The following FRYL variants were observed in gnomAD, a reference collection of about 807,000 sequenced individuals.
FRYL encodes FRY like transcription coactivator.
FRYL carries 150 observed loss-of-function variants against 351.2 expected under a neutral mutation model. The observed-to-expected ratio is 0.43, with a 90% CI of 0.37 to 0.49. The LOEUF (loss-of-function observed/expected upper bound fraction) is 0.49. Ranked by LOEUF, FRYL falls within the 20% of genes least tolerant of loss-of-function variation. The probability of loss-of-function intolerance (pLI) is 0.00; values close to 1 mark genes in which losing one functional copy is unlikely to be tolerated. For missense variants in FRYL, 3,036 were observed against 3,619.3 expected, an observed-to-expected ratio of 0.84 and a Z score of 4.13; for synonymous variants, 1,153 against 1,257.1, an observed-to-expected ratio of 0.92 and a Z score of 1.75.
At chr4:48,505,959 G>C in intron 59 of FRYL, 1 of 187,026 alleles carries the variant, frequency 5.3e-6, no homozygotes, top group Admixed American at 5.9e-5. Flanking sequence ...ACGTAAGACG[G>C]GGAAAGGAAA....
At chr4:48,683,024 C>T (rs1255656838) in intron 3 of FRYL, among the ~76,000 whole-genome samples, 2 of 152,076 alleles carry the variant, frequency 1.3e-5, no homozygotes, top group African/African-American at 4.8e-5. Context: ...AACCCAAATG[C>T]CTATCAATGA....
chr4:48,594,151 C>A, intron 15 of FRYL, 135 bp from the exon 16 acceptor site: 2 of 467,186 alleles, frequency 4.3e-6, no homozygotes, highest in Non-Finnish European at 7.6e-6. Context: ...AAGAAAAATA[C>A]ATATGAATTA....
At chr4:48,674,981 G>A (rs1763342582) in intron 3 of FRYL, among the ~76,000 whole-genome samples, 2 of 152,098 alleles carry the variant, frequency 1.3e-5, no homozygotes, top group African/African-American at 4.8e-5. Flanking sequence ...TGCTGATTAC[G>A]CCATTGTCTT....
rs1487645210 is a variant in FRYL, at chr4:48,623,183, T to C, written c.121-4A>G. 1.7e-5 allele frequency: 25 copies of C among 1,440,868 alleles called. No individual in the cohort carries two copies. The highest frequency in any genetic ancestry group is 4.4e-5 in the African/African-American group (3 of 68,226). The allele number at this position is 1,440,868 out of a possible 1,614,324, so 89.3% of individuals were successfully genotyped here. On this transcript the variant is annotated splice_polypyrimidine_tract_variant and splice_region_variant and intron_variant, in intron 4 of 63. Transcript: ENST00000358350. Reference sequence around the variant, plus strand: ...GAGATCTGGACAATAGCTTCTCCTATGATTAAAAAAAACAAACATTAAAAA... The same window carrying C: ...GAGATCTGGACAATAGCTTCTCCTACGATTAAAAAAAACAAACATTAAAAA...
chr4:48,620,832 C>T, intron 5 of FRYL, 54 bp from the exon 6 acceptor site: 1 of 1,445,802 alleles, frequency 6.9e-7, no homozygotes, highest in Non-Finnish European at 9.6e-7. Flanking sequence ...ATGTACCACA[C>T]TCTTAAGTTC....
chr4:48,678,913 C>T lies in FRYL; in HGVS notation c.-81+5760G>A, dbSNP rs369717576. On this transcript the variant is annotated intron_variant, in intron 3 of 63. Coordinates refer to ENST00000358350, the MANE Select transcript of FRYL (RefSeq NM_015030.2). ...AAAATCTAATTATTATAAATTGTAA[C>T]ATGTGTGCTGTATTTAAGAGTATAA... Among the ~76,000 whole-genome samples the T allele has an allele frequency of 1.4e-3, 217 of 151,930 alleles. 1 individual carries two copies. Among genetic ancestry groups the T allele is most frequent in the African/African-American group, 4.7e-3 (193 of 41,422 alleles).
At chr4:48,522,272 C>A (rs182385985) in intron 54 of FRYL, among the ~76,000 whole-genome samples, 1 of 152,220 alleles carries the variant, frequency 6.6e-6, no homozygotes, top group East Asian at 1.9e-4. Flanking sequence ...TGGTGTGAGA[C>A]CCTGTGCCTA....
chr4:48,556,249 T>C (rs1251405250), intron 35 of FRYL, among the ~76,000 whole-genome samples: 4 of 152,178 alleles, frequency 2.6e-5, no homozygotes, highest in African/African-American at 7.2e-5. Flanking sequence ...GACCACACTT[T>C]TGGGGGATGC....
intron 47 of FRYL, among the ~76,000 whole-genome samples, chr4:48,537,216 A>G (rs1729079236): frequency 6.6e-6 from 1 of 152,202 alleles, no homozygotes; most frequent in African/African-American, 2.4e-5. Flanking sequence ...ATTCTTAAAT[A>G]ATTTTTTTAA....
intron 1 of FRYL, among the ~76,000 whole-genome samples, chr4:48,713,269 TA>T (rs1224123273): frequency 1.3e-5 from 2 of 151,940 alleles, no homozygotes; most frequent in East Asian, 3.9e-4. Context: ...TTAAATGTAA[TA>T]AAGTCCATTT....
intron 57 of FRYL, among the ~76,000 whole-genome samples, chr4:48,511,498 C>T (rs1722465363): frequency 6.6e-6 from 1 of 152,078 alleles, no homozygotes; most frequent in African/African-American, 2.4e-5. Context: ...CATAGTAAGT[C>T]AATCAATTAG....
chr4:48,691,660 C>T (rs1190889951), intron 2 of FRYL, among the ~76,000 whole-genome samples: 1 of 152,094 alleles, frequency 6.6e-6, no homozygotes, highest in Non-Finnish European at 1.5e-5. Flanking sequence ...TTAACTTATA[C>T]CACAAATGCT....
intron 1 of FRYL, among the ~76,000 whole-genome samples, chr4:48,714,900 A>G (rs1203189009): frequency 2.0e-5 from 3 of 149,158 alleles, no homozygotes; most frequent in African/African-American, 7.3e-5. Context: ...CGAATCCAGC[A>G]GCACATCAAA....
At chr4:48,627,970 C>A (rs373832738) in intron 4 of FRYL, among the ~76,000 whole-genome samples, 1 of 152,132 alleles carries the variant, frequency 6.6e-6, no homozygotes, top group South Asian at 2.1e-4. Context: ...GGGGTTTCAC[C>A]ATGTTGGCCA....
chr4:48,508,118 T>TGTAA (rs1160557562), intron 59 of FRYL, among the ~76,000 whole-genome samples: 1 of 152,224 alleles, frequency 6.6e-6, no homozygotes, highest in East Asian at 1.9e-4. Flanking sequence ...ATGGACAATA[T>TGTAA]GTAAGTAAAC....
chr4:48,632,037 A>T, intron 4 of FRYL, among the ~76,000 whole-genome samples: 1 of 122,364 alleles, frequency 8.2e-6, no homozygotes, highest in African/African-American at 3.1e-5. Flanking sequence ...TGGGAGACAC[A>T]GCAAGACCCT....
chr4:48,632,102 A>ATATATATG (rs1215730588), intron 4 of FRYL, among the ~76,000 whole-genome samples: 424 of 36,604 alleles, frequency 0.012, 6 homozygotes, highest in East Asian at 0.074. Flanking sequence ...ATATATATAT[A>ATATATATG]TATATATATA....
At chr4:48,557,183 A>T (rs1206464457) in intron 34 of FRYL, 65 bp from the exon 35 acceptor site, 16 of 1,511,404 alleles carry the variant, frequency 1.1e-5, no homozygotes, top group Non-Finnish European at 1.4e-5. Flanking sequence ...CAAACTTGTC[A>T]TACCATGAAA....
Position 48,544,880 on chromosome 4 carries a change from A to G in FRYL, c.5304T>C (p.His1768=). 6.2e-7 allele frequency: 1 copy of G among 1,606,372 alleles called. No individual in the cohort carries two copies. The highest frequency in any genetic ancestry group is 1.3e-5 in the African/African-American group (1 of 74,488). The change falls in exon 43 of 64, where the codon CAT becomes CAC. Residue 1768 remains histidine, a synonymous_variant. Coordinates refer to ENST00000358350, the MANE Select transcript of FRYL (RefSeq NM_015030.2). ...TSRKRGPLWN[H]EDVSAKNPSI... ...TAGGATTCTTGGCAGAAACATCCTCATGGTTCCAAAGGGGCCCTCTTTTTC... is the reference window on the plus strand; with the variant it reads ...TAGGATTCTTGGCAGAAACATCCTCGTGGTTCCAAAGGGGCCCTCTTTTTC...
Sources: gnomAD v4.1 joint callset for allele counts (sites outside exome capture counted in the v4.1 genomes callset) on GRCh38, gnomAD v4.1.1 for gene constraint, MANE v1.5 for transcripts, NCBI Gene and HGNC (gene_info 2026-07-23, HGNC 2026-07-21) for gene names.